Variants in ZNF385D observed in about 807,000 individuals in gnomAD.
The protein encoded by ZNF385D is zinc finger protein 659.
A neutral mutation model predicts 35.8 loss-of-function variants in ZNF385D; 15 were observed. The ratio of observed to expected loss-of-function variants is 0.42; its 90% CI spans 0.28 to 0.64. ZNF385D has a LOEUF of 0.64. ZNF385D is among the 30% of genes least tolerant of loss of function. ZNF385D has a pLI of 0.23. For missense variants in ZNF385D, 474 were observed against 494.6 expected (o/e 0.96, Z 0.39); for synonymous variants, 212 against 186.8 (o/e 1.13, Z -1.10).
At chr3:22,247,916 A>G (rs1699873253) in intron 2 of ZNF385D, among the ~76,000 whole-genome samples, 1 of 152,112 alleles carries the variant, frequency 6.6e-6, no homozygotes, top group East Asian at 1.9e-4. Context: ...AATTTTTAAT[A>G]TGACAGTTTG....
At chr3:21,839,955 A>G (rs1695562057) in intron 3 of ZNF385D, among the ~76,000 whole-genome samples, 1 of 152,094 alleles carries the variant, frequency 6.6e-6, no homozygotes, top group Non-Finnish European at 1.5e-5. Context: ...AATTATGTTC[A>G]GATAAACATG....
At chr3:21,825,989 A>G (rs932215043) in intron 3 of ZNF385D, among the ~76,000 whole-genome samples, 1 of 152,144 alleles carries the variant, frequency 6.6e-6, no homozygotes, top group African/African-American at 2.4e-5. Context: ...TAGAGAATCT[A>G]ATGCCTGATG....
chr3:22,298,176 T>C (rs1249443936), intron 2 of ZNF385D, among the ~76,000 whole-genome samples: 1 of 151,876 alleles, frequency 6.6e-6, no homozygotes. Context: ...AAAGATAAAT[T>C]TTTAAAAGGT....
intron 2 of ZNF385D, among the ~76,000 whole-genome samples, chr3:22,212,420 GA>G (rs1697584195): frequency 6.6e-6 from 1 of 152,024 alleles, no homozygotes; most frequent in Non-Finnish European, 1.5e-5. Flanking sequence ...AAAAGAAATT[GA>G]TGAGCCCAGA....
intron 2 of ZNF385D, among the ~76,000 whole-genome samples, chr3:22,322,163 C>T (rs1173080679): frequency 6.6e-6 from 1 of 152,094 alleles, no homozygotes; most frequent in African/African-American, 2.4e-5. Context: ...TATATCTTTA[C>T]TCATACCATA....
chr3:21,469,965 A>G (rs1703780548), intron 4 of ZNF385D, among the ~76,000 whole-genome samples: 1 of 152,164 alleles, frequency 6.6e-6, no homozygotes, highest in Non-Finnish European at 1.5e-5. Flanking sequence ...AGGACTAAGG[A>G]TATATCTACT....
At chr3:21,430,787 C>T (rs1701259231) in intron 5 of ZNF385D, among the ~76,000 whole-genome samples, 1 of 152,108 alleles carries the variant, frequency 6.6e-6, no homozygotes, top group African/African-American at 2.4e-5. Flanking sequence ...CTTTTATATC[C>T]ATTCCCCAAG....
intron 2 of ZNF385D, among the ~76,000 whole-genome samples, chr3:22,238,982 G>A (rs959294828): frequency 6.6e-5 from 10 of 150,460 alleles, no homozygotes; most frequent in Admixed American, 2.0e-4. Flanking sequence ...CTGTCTCGGC[G>A]GCCTTAAGTG....
chr3:21,744,530 G>T (rs142250335), intron 1 of ZNF385D, among the ~76,000 whole-genome samples: 1 of 152,298 alleles, frequency 6.6e-6, no homozygotes, highest in East Asian at 1.9e-4. Context: ...TGCATATAGG[G>T]TCTTTTATGC....
upstream of ZNF385D, among the ~76,000 whole-genome samples, chr3:21,753,888 A>G (rs535242780): frequency 9.2e-5 from 14 of 152,090 alleles, no homozygotes; most frequent in African/African-American, 9.6e-5. Flanking sequence ...TCCTGTTTCT[A>G]TAGAGTTTGA....
At chr3:22,080,181 G>A (rs1329215121) in intron 3 of ZNF385D, among the ~76,000 whole-genome samples, 1 of 152,188 alleles carries the variant, frequency 6.6e-6, no homozygotes, top group East Asian at 1.9e-4. Flanking sequence ...TATGGGTCCT[G>A]AAAGATAATG....
chr3:22,202,197 T>C (rs1340242592), intron 2 of ZNF385D, among the ~76,000 whole-genome samples: 1 of 152,130 alleles, frequency 6.6e-6, no homozygotes, highest in Non-Finnish European at 1.5e-5. Flanking sequence ...AACTAACTGA[T>C]TTCACATACA....
intron 1 of ZNF385D, among the ~76,000 whole-genome samples, chr3:21,703,399 G>T (rs528518077): frequency 6.6e-6 from 1 of 152,080 alleles, no homozygotes; most frequent in African/African-American, 2.4e-5. Context: ...ATAGAATTCA[G>T]CTTGAGATTT....
chr3:22,143,560 T>C (rs1035999760), intron 3 of ZNF385D, among the ~76,000 whole-genome samples: 30 of 152,080 alleles, frequency 2.0e-4, no homozygotes, highest in Non-Finnish European at 2.9e-5. Context: ...AGATAATTGT[T>C]CTCTTTGGCA....
chr3:21,853,743 A>T (rs1224365683), intron 3 of ZNF385D, among the ~76,000 whole-genome samples: 2 of 151,810 alleles, frequency 1.3e-5, no homozygotes, highest in Non-Finnish European at 2.9e-5. Context: ...TCATCTGTAA[A>T]AAAGAGGGCC....
chr3:22,284,983 AGAG>A (rs982291275), intron 2 of ZNF385D, among the ~76,000 whole-genome samples: 12 of 152,134 alleles, frequency 7.9e-5, no homozygotes, highest in African/African-American at 2.9e-4. Context: ...AAATAAGCAA[AGAG>A]GAGAAAAAGT....
intron 3 of ZNF385D, among the ~76,000 whole-genome samples, chr3:22,073,585 T>C (rs1046011841): frequency 1.3e-5 from 2 of 152,018 alleles, no homozygotes; most frequent in African/African-American, 4.8e-5. Flanking sequence ...CTAGCCTCAT[T>C]TATGCCATGA....
chr3:22,042,860 AT>A (rs1698752817), intron 3 of ZNF385D, among the ~76,000 whole-genome samples: 1 of 152,212 alleles, frequency 6.6e-6, no homozygotes, highest in Non-Finnish European at 1.5e-5. Flanking sequence ...GATCACAGAC[AT>A]ATGTCAAAGT....
intron 3 of ZNF385D, among the ~76,000 whole-genome samples, chr3:21,787,739 T>C (rs776178533): frequency 2.0e-5 from 3 of 151,968 alleles, no homozygotes; most frequent in Non-Finnish European, 2.9e-5. Flanking sequence ...GCCTCCATCA[T>C]GAAAAGCAGA....
Sources: gnomAD v4.1 joint callset for allele counts (sites outside exome capture counted in the v4.1 genomes callset) on GRCh38, gnomAD v4.1.1 for gene constraint, MANE v1.5 for transcripts, NCBI Gene and HGNC (gene_info 2026-07-23, HGNC 2026-07-21) for gene names.